Variants in AP4E1 observed in about 807,000 individuals in gnomAD.
AP4E1 encodes adaptor related protein complex 4 subunit epsilon 1.
In AP4E1, 56 loss-of-function variants were observed where a neutral mutation model predicts 128.2. That is an observed-to-expected ratio of 0.44 (90% confidence interval 0.35 to 0.55). The LOEUF is 0.55. Ranked by LOEUF, AP4E1 falls within the 20% of genes least tolerant of loss-of-function variation. The pLI, the probability that AP4E1 is intolerant of heterozygous loss-of-function variation, is 0.00. For missense variants in AP4E1, 1,324 were observed against 1,307.7 expected (o/e 1.01, Z -0.19); for synonymous variants, 484 against 473.1 (o/e 1.02, Z -0.30).
intron 13 of AP4E1, among the ~76,000 whole-genome samples, chr15:50,952,111 C>A (rs1338448655): frequency 6.6e-6 from 1 of 152,140 alleles, no homozygotes; most frequent in African/African-American, 2.4e-5. Flanking sequence ...GTTTGTTTTG[C>A]TGAGCTGTTT....
chr15:50,971,577 C>T (rs1466651050), intron 15 of AP4E1, among the ~76,000 whole-genome samples: 4 of 152,110 alleles, frequency 2.6e-5, no homozygotes, highest in South Asian at 4.1e-4. Context: ...GCCCATAATA[C>T]AAACATTTAT....
At chr15:50,969,522 A>G (rs760832824) in intron 15 of AP4E1, among the ~76,000 whole-genome samples, 6 of 129,706 alleles carry the variant, frequency 4.6e-5, no homozygotes, top group Non-Finnish European at 1.0e-4. Flanking sequence ...AATTTTCTTA[A>G]TTGACAAATA....
At chr15:50,930,654 G>C (rs2063822025) in intron 6 of AP4E1, 151 bp from the exon 7 acceptor site, 1 of 788,498 alleles carries the variant, frequency 1.3e-6, no homozygotes, top group African/African-American at 1.7e-5. Context: ...ATTTTATCAT[G>C]GAAGATATTA....
intron 14 of AP4E1, among the ~76,000 whole-genome samples, chr15:50,967,028 CCTT>C (rs1426379432): frequency 1.2e-4 from 18 of 152,268 alleles, no homozygotes; most frequent in East Asian, 7.7e-4. Flanking sequence ...TTGTTCATCT[CCTT>C]CTTTTCTCCT....
intron 16 of AP4E1, among the ~76,000 whole-genome samples, chr15:50,986,207 G>T (rs1435161431): frequency 1.3e-5 from 2 of 152,216 alleles, no homozygotes; most frequent in African/African-American, 4.8e-5. Flanking sequence ...GAGATTTTGG[G>T]CTGAGACTGT....
intron 10 of AP4E1, among the ~76,000 whole-genome samples, chr15:50,947,071 G>A (rs1474908385): frequency 6.6e-6 from 1 of 151,830 alleles, no homozygotes; most frequent in Admixed American, 6.6e-5. Flanking sequence ...ACTCTAGCCT[G>A]GGCTACAGAG....
intron 13 of AP4E1, among the ~76,000 whole-genome samples, chr15:50,950,946 G>A (rs1410187957): frequency 1.3e-5 from 2 of 152,128 alleles, no homozygotes; most frequent in Non-Finnish European, 2.9e-5. Flanking sequence ...CAAAGGACAT[G>A]ATCTTGTTCC....
rs2065000386 is a variant in AP4E1, at chr15:51,004,671, A to G, written c.*2009A>G. The G allele has an allele frequency of 6.5e-6, 1 of 152,680 alleles. No homozygotes were observed. The highest frequency in any genetic ancestry group is 1.5e-5 in the Non-Finnish European group (1 of 68,046). 9.5% of individuals were successfully genotyped at this position (152,680 alleles called of 1,614,324 possible). ...TTGTTCTTTCTGACCCACTAAATAA[A>G]AAGTAGTGTAACAGGGTTTCACTGG... is the stretch of plus-strand genomic sequence containing the variant. On this transcript the variant is annotated 3_prime_UTR_variant, in exon 21 of 21. Transcript: ENST00000261842.
At position 50,957,671 on chromosome 15, in the gene AP4E1, C is replaced by CTTTTT. The variant is rs61656848; in HGVS notation, c.1549-802_1549-798dup. Among the ~76,000 whole-genome samples, 473 of 87,894 alleles carry CTTTTT rather than the reference C, an allele frequency of 5.4e-3. 8 individuals are homozygous for CTTTTT. The highest frequency in any genetic ancestry group is 6.4e-3 in the Non-Finnish European group (296 of 46,576). 57.7% of individuals were successfully genotyped at this position (87,894 alleles called of 152,430 possible). On this transcript the variant is annotated intron_variant, in intron 13 of 20. Transcript: ENST00000261842. Reference sequence around the variant, plus strand: ...AGATGTGTGACATAGACAAGCGTTTCTTTTTTTTTTTTTTTTTTTTTTTGA... The same window carrying CTTTTT: ...AGATGTGTGACATAGACAAGCGTTTCTTTTTTTTTTTTTTTTTTTTTTTTTTTTGA...
At chr15:50,994,149 T>C (rs1172030966) in intron 17 of AP4E1, among the ~76,000 whole-genome samples, 4 of 152,230 alleles carry the variant, frequency 2.6e-5, no homozygotes, top group Non-Finnish European at 4.4e-5. Flanking sequence ...ATTTATGCCT[T>C]GTTTATACCT....
intron 5 of AP4E1, 102 bp downstream of exon 5, chr15:50,925,321 T>C (rs1322939752): frequency 4.0e-6 from 5 of 1,242,896 alleles, no homozygotes; most frequent in Non-Finnish European, 5.7e-6. Flanking sequence ...GGATAGAGAT[T>C]ATTTGACTGC....
chr15:50,943,395 T>A (rs976840771), intron 10 of AP4E1, among the ~76,000 whole-genome samples: 5 of 152,182 alleles, frequency 3.3e-5, no homozygotes, highest in African/African-American at 7.2e-5. Flanking sequence ...ACACATTTTT[T>A]AAAAAATTTG....
chr15:50,994,848 GA>G (rs1225664481), intron 17 of AP4E1, among the ~76,000 whole-genome samples: 1 of 152,144 alleles, frequency 6.6e-6, no homozygotes, highest in Non-Finnish European at 1.5e-5. Flanking sequence ...GGTGATATTA[GA>G]TTTTTTGTGG....
At chr15:50,926,378 C>T (rs2063769952) in intron 5 of AP4E1, among the ~76,000 whole-genome samples, 1 of 151,950 alleles carries the variant, frequency 6.6e-6, no homozygotes, top group Non-Finnish European at 1.5e-5. Context: ...CCTTGTGATT[C>T]ACCTGCCTCG....
rs552219448 is a variant in AP4E1, at chr15:50,957,450, G to A, written c.1549-1042G>A. ...CACAGGATGGGGCAGGGCAGGGCAGGGCCATGGGTGGTTTAGGAAAAGGCA... is the reference window on the plus strand; with the variant it reads ...CACAGGATGGGGCAGGGCAGGGCAGAGCCATGGGTGGTTTAGGAAAAGGCA... On this transcript the variant is annotated intron_variant, in intron 13 of 20. Coordinates refer to ENST00000261842, the MANE Select transcript of AP4E1 (RefSeq NM_007347.5). Among the ~76,000 whole-genome samples, 3 of 152,184 alleles carry A rather than the reference G, an allele frequency of 2.0e-5. No individual in the cohort carries two copies. The South Asian group carries it at 6.2e-4, about 32-fold the overall frequency.
chr15:50,950,052 T>C lies in AP4E1; in HGVS notation c.1431T>C (p.Gly477=), dbSNP rs1325876442. The change falls in exon 13 of 21, where the codon GGT becomes GGC. Residue 477 remains glycine, a splice_region_variant and synonymous_variant. Transcript: ENST00000261842. ...PNNFLRLLAE[G]FDDETEDQQL... ...AATGGTGTATCAATTTCTTTGTAGG[T>C]TTTGATGATGAAACAGAAGATCAGC... The C allele has an allele frequency of 2.5e-6, 4 of 1,609,902 alleles. No individual in the cohort carries two copies. The highest frequency in any genetic ancestry group is 3.4e-6 in the Non-Finnish European group (4 of 1,176,554).
intron 2 of AP4E1, among the ~76,000 whole-genome samples, chr15:50,912,871 C>T (rs923969218): frequency 1.3e-4 from 20 of 152,114 alleles, no homozygotes; most frequent in African/African-American, 4.3e-4. Context: ...ATCATGTTGA[C>T]CAGGCTAGTA....
At chr15:50,946,906 C>G (rs1312524865) in intron 10 of AP4E1, among the ~76,000 whole-genome samples, 1 of 152,134 alleles carries the variant, frequency 6.6e-6, no homozygotes, top group Non-Finnish European at 1.5e-5. Context: ...CGCTGTGGCT[C>G]ACACCTGTAA....
At chr15:50,984,221 C>T in intron 16 of AP4E1, 76 bp downstream of exon 16, 1 of 1,522,672 alleles carries the variant, frequency 6.6e-7, no homozygotes, top group South Asian at 1.1e-5. Flanking sequence ...GCCTTCTGCT[C>T]CTGCCTCATA....
Sources: allele counts gnomAD v4.1 joint callset (sites outside exome capture counted in the v4.1 genomes callset), GRCh38; gene constraint gnomAD v4.1.1; transcripts MANE v1.5; gene names NCBI Gene and HGNC (gene_info 2026-07-23, HGNC 2026-07-21).